The following NDUFA12 variants were observed in gnomAD, a reference collection of about 807,000 sequenced individuals.
The protein encoded by NDUFA12 is NADH:ubiquinone oxidoreductase subunit A12, also known as NADH dehydrogenase [ubiquinone] 1 alpha subcomplex subunit 12.
In NDUFA12, 17 loss-of-function variants were observed where a neutral mutation model predicts 20.3. The observed-to-expected ratio is 0.84, with a 90% CI of 0.57 to 1.26. NDUFA12 has a LOEUF of 1.26. NDUFA12 is among the 50% of genes most tolerant of loss of function. The pLI is 0.00. For synonymous variants in NDUFA12, 72 were observed against 63.6 expected (o/e 1.13, Z -0.63); for missense variants, 191 against 183.7 (o/e 1.04, Z -0.23).
At chr12:94,994,115 C>A in intron 3 of NDUFA12, 55 bp downstream of exon 3, 1 of 1,514,112 alleles carries the variant, frequency 6.6e-7, no homozygotes, top group East Asian at 2.3e-5. Context: ...CAGAGTGAGA[C>A]CCTGTCTCAA....
At chr12:94,975,041 C>A (rs1406839579) in intron 3 of NDUFA12, among the ~76,000 whole-genome samples, 1 of 152,086 alleles carries the variant, frequency 6.6e-6, no homozygotes, top group Non-Finnish European at 1.5e-5. Context: ...ACACAAAGGA[C>A]AAATGCTTGA....
chr12:94,981,297 C>CA lies in NDUFA12; in HGVS notation c.258-9678dup, dbSNP rs1874230473. On this transcript the variant is annotated intron_variant, in intron 3 of 3. Coordinates refer to ENST00000327772, the MANE Select transcript of NDUFA12 (RefSeq NM_018838.5). The stretch of plus-strand genomic sequence containing the variant: ...ACATACATACATACATACATACAAA[C>CA]AGTAGCCGGGCATGGTGGCCCGTGC... 3.3e-5 allele frequency among the ~76,000 whole-genome samples: 5 copies of CA among 151,948 alleles called. No homozygotes were observed. The South Asian group carries it at 1.0e-3, about 32-fold the overall frequency.
chr12:94,995,545 T>C (rs576015531), intron 2 of NDUFA12, among the ~76,000 whole-genome samples: 12 of 152,316 alleles, frequency 7.9e-5, no homozygotes, highest in South Asian at 4.1e-4. Context: ...TATTTATTTA[T>C]TGGAGACGGA....
At chr12:94,979,495 C>A (rs1196148359) in intron 3 of NDUFA12, among the ~76,000 whole-genome samples, 1 of 151,714 alleles carries the variant, frequency 6.6e-6, no homozygotes, top group Non-Finnish European at 1.5e-5. Flanking sequence ...TGGAAAAAAG[C>A]AAGTAAAATG....
chr12:94,990,054 C>T (rs1472494963), intron 3 of NDUFA12, among the ~76,000 whole-genome samples: 1 of 152,078 alleles, frequency 6.6e-6, no homozygotes, highest in East Asian at 1.9e-4. Context: ...TCAAATAGTC[C>T]TCCTAACATA....
At chr12:94,999,371 C>T (rs1174176032) in intron 2 of NDUFA12, among the ~76,000 whole-genome samples, 1 of 152,136 alleles carries the variant, frequency 6.6e-6, no homozygotes, top group Non-Finnish European at 1.5e-5. Context: ...GACCTGAAAA[C>T]ATAAAAATTC....
chr12:94,991,813 C>T (rs1415767737), intron 3 of NDUFA12, among the ~76,000 whole-genome samples: 1 of 152,030 alleles, frequency 6.6e-6, no homozygotes, highest in African/African-American at 2.4e-5. Context: ...AGAAACCCTT[C>T]GCAGAATTCT....
At chr12:95,003,524 G>C in intron 1 of NDUFA12, 71 bp downstream of exon 1, 3 of 1,501,036 alleles carry the variant, frequency 2.0e-6, no homozygotes, top group Non-Finnish European at 2.8e-6. Context: ...CCCGAGCCTG[G>C]GACCCCTTCC....
rs151283235 is a variant in NDUFA12 at position 95,002,866 on chromosome 12, G to T, written c.87-45C>A. 4.2e-5 allele frequency: 64 copies of T among 1,508,994 alleles called. No individual in the cohort carries two copies. In the East Asian group the frequency reaches 1.4e-3, roughly 32 times the overall value. 93.5% of individuals were successfully genotyped at this position (1,508,994 alleles called of 1,614,324 possible). A position where few individuals can be genotyped will look rare whatever the true frequency, so the allele number is the denominator to read the frequency against. On this transcript the variant is annotated intron_variant, in intron 1 of 3. Transcript: ENST00000327772. ...AACAGACATTTTAGAATGATTCTTA[G>T]TTCAAAACATAAACGGAAATAAAGT...
At position 94,998,197 on chromosome 12, in the gene NDUFA12, A is replaced by C. The variant is rs138800375; in HGVS notation, c.170-3940T>G. Among the ~76,000 whole-genome samples, 84 of 152,346 alleles carry C rather than the reference A, an allele frequency of 5.5e-4. 1 individual carries two copies. The highest frequency in any genetic ancestry group is 1.9e-3 in the African/African-American group (81 of 41,570). On this transcript the variant is annotated intron_variant, in intron 2 of 3. Transcript: ENST00000327772. The stretch of plus-strand genomic sequence containing the variant: ...GGTTTAACATACCCAAGTCAATGTG[A>C]TATATCACATAAATAGAATTAAAAA...
chr12:95,002,846 A>G, intron 1 of NDUFA12, 25 bp from the exon 2 acceptor site: 1 of 1,574,276 alleles, frequency 6.4e-7, no homozygotes, highest in Non-Finnish European at 8.7e-7. Context: ...AAGAAAACAG[A>G]CATTTTAGAA....
intron 1 of NDUFA12, 113 bp downstream of exon 1, chr12:95,003,482 C>T (rs2136075249): frequency 1.7e-6 from 2 of 1,164,638 alleles, no homozygotes; most frequent in East Asian, 2.4e-5. Context: ...GGGCGGTTGT[C>T]CTTGACAAGA....
intron 3 of NDUFA12, among the ~76,000 whole-genome samples, chr12:94,975,677 C>T (rs1475060575): frequency 5.9e-5 from 9 of 152,012 alleles, no homozygotes; most frequent in Non-Finnish European, 1.3e-4. Context: ...ATGGAAAGAA[C>T]AAAACCAAAA....
At chr12:94,987,673 T>C (rs1260394214) in intron 3 of NDUFA12, among the ~76,000 whole-genome samples, 1 of 151,368 alleles carries the variant, frequency 6.6e-6, no homozygotes, top group Non-Finnish European at 1.5e-5. Context: ...TAGTGGCACA[T>C]GCCTGTAATC....
At chr12:94,976,573 A>G (rs956710752) in intron 3 of NDUFA12, among the ~76,000 whole-genome samples, 2 of 152,240 alleles carry the variant, frequency 1.3e-5, no homozygotes, top group African/African-American at 4.8e-5. Context: ...GATTCAACAT[A>G]ATACTCGGCA....
intron 2 of NDUFA12, among the ~76,000 whole-genome samples, chr12:95,002,183 T>C (rs1268389866): frequency 1.3e-5 from 2 of 151,334 alleles, no homozygotes; most frequent in South Asian, 2.1e-4. Context: ...GGCTCACGCC[T>C]GTAATCCCAG....
Position 94,971,419 on chromosome 12 carries a change from T to G in NDUFA12, c.*21A>C. The G allele has an allele frequency of 6.2e-7, 1 of 1,611,572 alleles. No homozygotes were observed. The highest frequency in any genetic ancestry group is 8.5e-7 in the Non-Finnish European group (1 of 1,177,668). On this transcript the variant is annotated 3_prime_UTR_variant, in exon 4 of 4. Coordinates refer to ENST00000327772, the MANE Select transcript of NDUFA12 (RefSeq NM_018838.5). ...ATGAAAAGCTCCATATTTTGCATGT[T>G]TCAACTGTTCTTCATTGTCTTTACT...
intron 3 of NDUFA12, among the ~76,000 whole-genome samples, chr12:94,987,682 TC>T: frequency 6.8e-6 from 1 of 147,996 alleles, no homozygotes; most frequent in Admixed American, 6.9e-5. Flanking sequence ...ATGCCTGTAA[TC>T]CCACCTACTT....
chr12:94,980,683 G>A (rs938320999), intron 3 of NDUFA12, among the ~76,000 whole-genome samples: 5 of 152,110 alleles, frequency 3.3e-5, no homozygotes, highest in Admixed American at 2.6e-4. Context: ...AAAAATCAAT[G>A]TACGAGGAGA....
Sources: allele counts gnomAD v4.1 joint callset (sites outside exome capture counted in the v4.1 genomes callset), GRCh38; gene constraint gnomAD v4.1.1; transcripts MANE v1.5; gene names NCBI Gene and HGNC (gene_info 2026-07-23, HGNC 2026-07-21).